The following POLR3G variants were observed in gnomAD, a reference collection of about 807,000 sequenced individuals.
The protein encoded by POLR3G is DNA-directed RNA polymerase III subunit RPC7.
In POLR3G, 28 loss-of-function variants were observed where a neutral mutation model predicts 30.1. The observed-to-expected ratio is 0.93, with a 90% confidence interval of 0.69 to 1.27. The LOEUF (loss-of-function observed/expected upper bound fraction) is 1.27. Ranked by LOEUF, POLR3G falls within the 50% of genes most tolerant of loss-of-function variation. The pLI is 0.00. For missense variants in POLR3G, 254 were observed against 264.6 expected, an observed-to-expected ratio of 0.96 and a Z score of 0.28; for synonymous variants, 79 against 82.5, an observed-to-expected ratio of 0.96 and a Z score of 0.23.
chr5:90,474,065 T>C, upstream of POLR3G: 1 of 1,579,572 alleles, frequency 6.3e-7, no homozygotes, highest in South Asian at 1.2e-5. Context: ...CGGCAAGCAG[T>C]GGCCGGCGCG....
intron 6 of POLR3G, 32 bp downstream of exon 6, chr5:90,502,020 TG>T: frequency 6.3e-7 from 1 of 1,596,996 alleles, no homozygotes; most frequent in Non-Finnish European, 8.5e-7. Context: ...ACAAGTGAAC[TG>T]AAAAAATGTA....
chr5:90,487,834 A>T (rs1751524657), intron 2 of POLR3G, among the ~76,000 whole-genome samples, 166 bp from the exon 3 acceptor site: 1 of 152,242 alleles, frequency 6.6e-6, no homozygotes, highest in South Asian at 2.1e-4. Context: ...AAATGGGTTA[A>T]CAGGTTAAAT....
chr5:90,494,311 G>C (rs1363387396), intron 3 of POLR3G, among the ~76,000 whole-genome samples: 1 of 152,114 alleles, frequency 6.6e-6, no homozygotes, highest in East Asian at 1.9e-4. Context: ...CTCATCACTT[G>C]ATGGGCATTT....
At chr5:90,482,491 C>T (rs149253413) in intron 1 of POLR3G, among the ~76,000 whole-genome samples, 1 of 152,250 alleles carries the variant, frequency 6.6e-6, no homozygotes, top group African/African-American at 2.4e-5. Context: ...CGATAACAGA[C>T]TTTCCCAAAA....
chr5:90,474,454 G>A (rs1750669693), upstream of POLR3G: 8 of 658,608 alleles, frequency 1.2e-5, no homozygotes, highest in African/African-American at 1.8e-5. Flanking sequence ...GGAATAGGAG[G>A]AGGAAGGACG....
intron 1 of POLR3G, among the ~76,000 whole-genome samples, chr5:90,477,021 T>C (rs1163505964): frequency 6.6e-6 from 1 of 152,178 alleles, no homozygotes; most frequent in East Asian, 1.9e-4. Flanking sequence ...GGCCTGACGA[T>C]GAGGGTGCTT....
chr5:90,512,312 AATT>A lies in POLR3G; in HGVS notation c.*177_*179del, dbSNP rs1200173936. 1.2e-4 allele frequency: 67 copies of A among 551,992 alleles called. 2 individuals are homozygous for A. In the South Asian group the frequency reaches 1.5e-3, roughly 12 times the overall value. The allele number at this position is 551,992 out of a possible 1,614,324, so 34.2% of individuals were successfully genotyped here. ...GAGTTTACATACTAGTTACCTTAAA[AATT>A]ATTCCCTGACACTCTGACATTCCTT... is the stretch of plus-strand genomic sequence containing the variant. On this transcript the variant is annotated 3_prime_UTR_variant, in exon 8 of 8. Coordinates refer to ENST00000651687, the MANE Select transcript of POLR3G (RefSeq NM_006467.3).
At chr5:90,501,798 C>A in intron 5 of POLR3G, 108 bp from the exon 6 acceptor site, 2 of 1,183,904 alleles carry the variant, frequency 1.7e-6, no homozygotes, top group South Asian at 1.6e-5. Flanking sequence ...AACTATGTGA[C>A]TGCCTAGGAT....
In POLR3G at chr5:90,513,813, C is replaced by CTT. The variant is rs1383813533; in HGVS notation, c.*1675_*1676dup. The CTT allele has an allele frequency of 2.0e-5, 3 of 152,066 alleles. No homozygotes were observed. Among genetic ancestry groups the CTT allele is most frequent in the Non-Finnish European group, 2.9e-5 (2 of 67,998 alleles). 9.4% of individuals were successfully genotyped at this position (152,066 alleles called of 1,614,324 possible). On this transcript the variant is annotated 3_prime_UTR_variant, in exon 8 of 8. Transcript: ENST00000651687. ...AATGGAATACACGAATAAAGTAAGCCTTAGAATAGAAACCTCACAAAAAGT... is the reference window on the plus strand; with the variant it reads ...AATGGAATACACGAATAAAGTAAGCCTTTTAGAATAGAAACCTCACAAAAAGT...
chr5:90,483,146 A>AC, intron 1 of POLR3G, among the ~76,000 whole-genome samples: 1 of 150,686 alleles, frequency 6.6e-6, no homozygotes, highest in Non-Finnish European at 1.5e-5. Flanking sequence ...TCCGTCTCAA[A>AC]AAAAAAAAAA....
chr5:90,475,803 C>G (rs1580187791), intron 1 of POLR3G, among the ~76,000 whole-genome samples: 1 of 152,220 alleles, frequency 6.6e-6, no homozygotes, highest in African/African-American at 2.4e-5. Flanking sequence ...CCTCCGCCTC[C>G]TGGGTTCTAG....
At chr5:90,474,371 G>A (rs1329504237), upstream of POLR3G, 8 of 1,336,498 alleles carry the variant, frequency 6.0e-6, no homozygotes, top group South Asian at 2.5e-5. Flanking sequence ...AGGGCACTGC[G>A]GCTGTGTGAA....
At chr5:90,502,546 A>G (rs1752296069) in intron 6 of POLR3G, 2 of 326,442 alleles carry the variant, frequency 6.1e-6, no homozygotes, top group East Asian at 1.7e-4. Context: ...TAAAAAATGT[A>G]AGATTCAGAA....
chr5:90,502,230 T>G, intron 6 of POLR3G: 1 of 984,422 alleles, frequency 1.0e-6, no homozygotes, highest in Non-Finnish European at 1.2e-6. Flanking sequence ...GTCACCTCTT[T>G]CTTTTTCACT....
At chr5:90,502,195 C>T (rs1580215509) in intron 6 of POLR3G, 1 of 985,346 alleles carries the variant, frequency 1.0e-6, no homozygotes, top group East Asian at 1.1e-4. Flanking sequence ...CGTTACCACT[C>T]ACCTGGCCAC....
At chr5:90,479,103 A>G (rs1239155026) in intron 1 of POLR3G, among the ~76,000 whole-genome samples, 1 of 152,186 alleles carries the variant, frequency 6.6e-6, no homozygotes, top group African/African-American at 2.4e-5. Context: ...TAAGCTTGAC[A>G]TTAATTGTGG....
chr5:90,488,612 T>G (rs1205548933), intron 3 of POLR3G, among the ~76,000 whole-genome samples: 1 of 152,166 alleles, frequency 6.6e-6, no homozygotes, highest in Non-Finnish European at 1.5e-5. Context: ...TATTATTAAC[T>G]GTAACTAATT....
At chr5:90,475,048 GGAGGGGTGGTGAGGGTAGAGGGGAAT>G (rs1406415151) in intron 1 of POLR3G, 28 bp downstream of exon 1, 1 of 152,362 alleles carries the variant, frequency 6.6e-6, no homozygotes, top group Non-Finnish European at 1.5e-5. Context: ...CGAAGACTTG[GGAGGGGTGGTGAGGGTAGAGGGGAAT>G]TAAAGGGGCA....
chr5:90,497,343 T>C (rs1752043501), intron 4 of POLR3G, among the ~76,000 whole-genome samples: 1 of 152,020 alleles, frequency 6.6e-6, no homozygotes, highest in African/African-American at 2.4e-5. Context: ...GTCAAATAAA[T>C]ATAAATAATA....
Sources: gnomAD v4.1 joint callset for allele counts (sites outside exome capture counted in the v4.1 genomes callset) on GRCh38, gnomAD v4.1.1 for gene constraint, MANE v1.5 for transcripts, NCBI Gene and HGNC (gene_info 2026-07-23, HGNC 2026-07-21) for gene names.